PLD2: variants seen among roughly 807,000 people sequenced by gnomAD.
PLD2 encodes choline phosphatase 2.
A neutral mutation model predicts 119.8 loss-of-function variants in PLD2; 101 were observed. The observed-to-expected ratio is 0.84, with a 90% CI of 0.72 to 0.99. The LOEUF is 0.99. Among genes scored for constraint, PLD2 ranks in the 50% least tolerant of loss-of-function variants. PLD2 has a pLI of 0.00. For missense variants in PLD2, 1,164 were observed against 1,226.8 expected (o/e 0.95, Z 0.76); for synonymous variants, 494 against 482.8 (o/e 1.02, Z -0.30).
chr17:4,819,212 A>G lies in PLD2; in HGVS notation c.2302A>G (p.Ile768Val). ...GCTCATCGCAGATGACCGGACAGTC[A>G]TCATTGGTCAGTGCCGGATCTAGTC... ...KVLIADDRTV[I>V]IGSANINDRS... The change falls in exon 22 of 25, where the codon ATC becomes GTC. Residue 768 changes from isoleucine to valine, a missense_variant. Transcript: ENST00000263088. The surrounding 1 kb of genome is among the most constrained non-coding windows in gnomAD (Gnocchi z 4.2). The G allele has an allele frequency of 6.2e-7, 1 of 1,614,062 alleles. No homozygotes were observed. The highest frequency in any genetic ancestry group is 8.5e-7 in the Non-Finnish European group (1 of 1,180,010).
rs766113097 is a variant in PLD2 at position 4,819,202 on chromosome 17, C to CCGT, written c.2294_2295insTCG (p.Arg765dup). 6.2e-7 allele frequency: 1 copy of CCGT among 1,614,000 alleles called. No individual in the cohort carries two copies. On this transcript the variant is annotated inframe_insertion, in exon 22 of 25. Transcript: ENST00000263088. The surrounding 1 kb of genome is among the most constrained non-coding windows in gnomAD (Gnocchi z 4.2). Reference sequence around the variant, plus strand: ...ACAGCAAGGTGCTCATCGCAGATGACCGGACAGTCATCATTGGTCAGTGCC... The same window carrying CCGT: ...ACAGCAAGGTGCTCATCGCAGATGACCGTCGGACAGTCATCATTGGTCAGTGCC...
In PLD2 at chr17:4,808,391, T is replaced by C; in HGVS notation, c.358T>C (p.Leu120=). Residue 120 remains leucine (L), a synonymous_variant, in exon 4 of 25, where the codon TTG becomes CTG. Transcript: ENST00000263088. This position sits in a 1 kb window ranked among gnomAD's most constrained non-coding sequence, Gnocchi z 4.1. ...LHRDLLRHKV[L]MSLLPLARFA... ...TCGGGACCTCCTGAGACACAAAGTC[T>C]TGATGAGTCTGCTCCCTCTGGCTCG... 1 of 1,614,036 alleles carries C rather than the reference T, an allele frequency of 6.2e-7. No individual in the cohort carries two copies. The highest frequency in any genetic ancestry group is 8.5e-7 in the Non-Finnish European group (1 of 1,179,958).
At chr17:4,820,646 G>A (rs1907577547) in intron 23 of PLD2, among the ~76,000 whole-genome samples, 2 of 150,244 alleles carry the variant, frequency 1.3e-5, no homozygotes, top group South Asian at 4.2e-4. Context: ...CGCGATCTCG[G>A]CTCACTGCAG....
Position 4,809,799 on chromosome 17 carries a change from A to G in PLD2, c.707+16A>G. 1 of 1,614,108 alleles carries G rather than the reference A, an allele frequency of 6.2e-7. No individual in the cohort carries two copies. ...GGTCCAAGAGGTACGGGCTATGGCC[A>G]AGCAGCTGGGCAGTGGGTGGGGGTG... On this transcript the variant is annotated intron_variant, in intron 8 of 24. Coordinates refer to ENST00000263088, the MANE Select transcript of PLD2 (RefSeq NM_002663.5).
Position 4,817,202 on chromosome 17 carries a change from C to T in PLD2, c.1758C>T (p.Thr586=), listed in dbSNP as rs1230345625. 3 of 1,613,904 alleles carry T rather than the reference C, an allele frequency of 1.9e-6. No homozygotes were observed. The highest frequency in any genetic ancestry group is 2.7e-5 in the African/African-American group (2 of 74,906). ...PTYPYLLPKS[T]STANQLPFTL... Reference sequence around the variant, plus strand: ...ACCCCTACCTGCTTCCCAAGTCTACCAGCACGGCCAATCAGCTCCCCTTCA... The same window carrying T: ...ACCCCTACCTGCTTCCCAAGTCTACTAGCACGGCCAATCAGCTCCCCTTCA... The change falls in exon 17 of 25, where the codon ACC becomes ACT. Residue 586 remains threonine, a synonymous_variant. Transcript: ENST00000263088.
At chr17:4,822,586 G>T in intron 24 of PLD2, 54 bp from the exon 25 acceptor site, 1 of 1,294,504 alleles carries the variant, frequency 7.7e-7, no homozygotes, top group Non-Finnish European at 1.1e-6. Context: ...GTTGGACTTA[G>T]ATTGTTGGGA....
Position 4,814,630 on chromosome 17 carries a change from C to A in PLD2, c.1095-3C>A. 6.2e-7 allele frequency: 1 copy of A among 1,614,098 alleles called. No individual in the cohort carries two copies. Among genetic ancestry groups the A allele is most frequent in the South Asian group, 1.1e-5 (1 of 91,078 alleles). ...GCCCCTAATCCACTGCCCTGAATCC[C>A]AGGTTGAGTCCTGAGGTTTACCTGA... On this transcript the variant is annotated splice_polypyrimidine_tract_variant and splice_region_variant and intron_variant, in intron 11 of 24. Transcript: ENST00000263088.
chr17:4,819,382 A>G lies in PLD2; in HGVS notation c.2309-47A>G. 2 of 1,608,738 alleles carry G rather than the reference A, an allele frequency of 1.2e-6. No individual in the cohort carries two copies. The highest frequency in any genetic ancestry group is 1.7e-6 in the Non-Finnish European group (2 of 1,177,368). ...TGGTAGAGGGGATGGGGTACTGGGG[A>G]GAGTGCCCTGGGCCCAAGCACACAG... On this transcript the variant is annotated intron_variant, in intron 22 of 24. Coordinates refer to ENST00000263088, the MANE Select transcript of PLD2 (RefSeq NM_002663.5). The surrounding 1 kb of genome is among the most constrained non-coding windows in gnomAD (Gnocchi z 4.2).
In PLD2 at chr17:4,818,281, C is replaced by G. The variant is rs1907241550; in HGVS notation, c.1921-16C>G. 1.2e-6 allele frequency: 2 copies of G among 1,608,502 alleles called. No homozygotes were observed. The highest frequency in any genetic ancestry group is 1.7e-6 in the Non-Finnish European group (2 of 1,175,248). On this transcript the variant is annotated splice_polypyrimidine_tract_variant and intron_variant, in intron 18 of 24. Coordinates refer to ENST00000263088, the MANE Select transcript of PLD2 (RefSeq NM_002663.5). ...GGGGCCAGGCTGCTGATGTCTGTCT[C>G]TGATTCTTGCCCCAGAATCAGTTCT...
At chr17:4,813,414 G>A (rs1906663048) in intron 10 of PLD2, among the ~76,000 whole-genome samples, 1 of 152,224 alleles carries the variant, frequency 6.6e-6, no homozygotes, top group Non-Finnish European at 1.5e-5. Context: ...ATACCTGTGT[G>A]AGAGATTAGA....
In PLD2 at chr17:4,815,944, C is replaced by G. The variant is rs1262146233; in HGVS notation, c.1455+10C>G. The G allele has an allele frequency of 4.4e-6, 7 of 1,593,188 alleles. No individual in the cohort carries two copies. The Admixed American group carries it at 1.0e-4, about 23-fold the overall frequency. On this transcript the variant is annotated intron_variant, in intron 14 of 24. Coordinates refer to ENST00000263088, the MANE Select transcript of PLD2 (RefSeq NM_002663.5). ...ATCAGCTGCCTCCCAGGTAATCCCC[C>G]TGAGGCCTTCCTGAGCACCCCCAAA...
rs1334691671 is a variant in PLD2 at position 4,819,491 on chromosome 17, A to G, written c.2371A>G (p.Ile791Val). 3 of 1,614,078 alleles carry G rather than the reference A, an allele frequency of 1.9e-6. No homozygotes were observed. Among genetic ancestry groups the G allele is most frequent in the South Asian group, 1.1e-5 (1 of 91,068 alleles). ...GCGGGACAGTGAGCTGGCCGTGCTG[A>G]TCGAGGACACAGAGACGGAACCATC... ...GKRDSELAVL[I>V]EDTETEPSLM... Residue 791 changes from isoleucine to valine, a missense_variant, in exon 23 of 25, where the codon ATC (isoleucine) becomes GTC (valine). Coordinates refer to ENST00000263088, the MANE Select transcript of PLD2 (RefSeq NM_002663.5). This position sits in a 1 kb window ranked among gnomAD's most constrained non-coding sequence, Gnocchi z 4.2.
In PLD2 at chr17:4,809,995, G is replaced by A. The variant is rs1473764799; in HGVS notation, c.826G>A (p.Ala276Thr). The change falls in exon 9 of 25, where the codon GCA (alanine) becomes ACA (threonine). Residue 276 changes from alanine (A) to threonine (T), a missense_variant. Transcript: ENST00000263088. ...EVQVGKRSTE[A>T]RHGVRIDTSH... Reference sequence around the variant, plus strand: ...GCAAGTGGGGAAAAGGAGCACGGAGGCACGGCACGGCGTGCGGATCGATAC... The same window carrying A: ...GCAAGTGGGGAAAAGGAGCACGGAGACACGGCACGGCGTGCGGATCGATAC... 4 of 1,613,626 alleles carry A rather than the reference G, an allele frequency of 2.5e-6. No homozygotes were observed. The highest frequency in any genetic ancestry group is 3.4e-6 in the Non-Finnish European group (4 of 1,180,044).
intron 6 of PLD2, 30 bp downstream of exon 6, chr17:4,809,393 G>C (rs775249931): frequency 6.2e-7 from 1 of 1,613,480 alleles, no homozygotes; most frequent in East Asian, 2.2e-5. Flanking sequence ...TTTAGATGTG[G>C]AGCAGGATTA....
intron 19 of PLD2, 46 bp from the exon 20 acceptor site, chr17:4,818,448 G>A: frequency 1.3e-6 from 2 of 1,598,678 alleles, no homozygotes; most frequent in South Asian, 1.1e-5. Context: ...TGAAGGGGGT[G>A]GGGTTTGAGG....
At chr17:4,810,323 T>C (rs2150669507) in intron 9 of PLD2, among the ~76,000 whole-genome samples, 1 of 152,292 alleles carries the variant, frequency 6.6e-6, no homozygotes, top group East Asian at 1.9e-4. Flanking sequence ...TACTGGTTGC[T>C]GATGCAATAC....
At position 4,808,365 on chromosome 17, in the gene PLD2, A is replaced by G; in HGVS notation, c.332A>G (p.His111Arg). 6.2e-7 allele frequency: 1 copy of G among 1,613,944 alleles called. No individual in the cohort carries two copies. Among genetic ancestry groups the G allele is most frequent in the Non-Finnish European group, 8.5e-7 (1 of 1,179,872 alleles). The change falls in exon 4 of 25, where the codon CAT (histidine) becomes CGT (arginine). Residue 111 changes from histidine (H) to arginine (R), a missense_variant. His to Arg is a conservative substitution (Grantham distance 29). Transcript: ENST00000263088. The surrounding 1 kb of genome is among the most constrained non-coding windows in gnomAD (Gnocchi z 4.1). ...KKKYRHFQEL[H>R]RDLLRHKVLM... is the part of the protein sequence containing the mutation. ...AAATACCGTCATTTTCAGGAGCTGCATCGGGACCTCCTGAGACACAAAGTC... is the reference window on the plus strand; with the variant it reads ...AAATACCGTCATTTTCAGGAGCTGCGTCGGGACCTCCTGAGACACAAAGTC...
At chr17:4,812,816 C>G (rs1017761481) in intron 10 of PLD2, among the ~76,000 whole-genome samples, 4 of 152,030 alleles carry the variant, frequency 2.6e-5, no homozygotes, top group Non-Finnish European at 5.9e-5. Flanking sequence ...CAGAACAGTC[C>G]AGGCACAGAA....
At chr17:4,810,111 A>G in intron 9 of PLD2, 82 bp downstream of exon 9, 1 of 1,422,448 alleles carries the variant, frequency 7.0e-7, no homozygotes, top group Non-Finnish European at 9.7e-7. Flanking sequence ...AAGAGAGACC[A>G]CAGGAGAGAG....
Sources: allele counts gnomAD v4.1 joint callset (sites outside exome capture counted in the v4.1 genomes callset), GRCh38; gene constraint gnomAD v4.1.1; non-coding constraint Gnocchi (gnomAD v3.1); transcripts MANE v1.5; gene names NCBI Gene and HGNC (gene_info 2026-07-23, HGNC 2026-07-21).